Variants in SECISBP2L observed in about 807,000 individuals in gnomAD.
SECISBP2L encodes the protein selenocysteine insertion sequence-binding protein 2-like.
In SECISBP2L, 43 loss-of-function variants were observed where a neutral mutation model predicts 114.7. The ratio of observed to expected loss-of-function variants is 0.38; its 90% CI spans 0.29 to 0.48. The LOEUF (loss-of-function observed/expected upper bound fraction) is 0.48, where lower values mean the gene tolerates loss of function less well. SECISBP2L is among the 20% of genes least tolerant of loss of function. SECISBP2L has a pLI of 0.98. For synonymous variants in SECISBP2L, 451 were observed against 439.7 expected (o/e 1.03, Z -0.32); for missense variants, 1,136 against 1,301.1 (o/e 0.87, Z 1.95).
intron 7 of SECISBP2L, among the ~76,000 whole-genome samples, chr15:49,026,244 A>G (rs1166221652): frequency 6.6e-6 from 1 of 152,142 alleles, no homozygotes; most frequent in East Asian, 1.9e-4. Flanking sequence ...AGGGATAGGG[A>G]AAGGTTGGTC....
chr15:49,044,413 G>C (rs1222367548), intron 1 of SECISBP2L, among the ~76,000 whole-genome samples: 1 of 152,070 alleles, frequency 6.6e-6, no homozygotes, highest in Non-Finnish European at 1.5e-5. Flanking sequence ...GAAAATAATG[G>C]ATTCTTGCCC....
In SECISBP2L at chr15:49,027,414, T is replaced by C; in HGVS notation, c.986A>G (p.Gln329Arg). The change falls in exon 7 of 18, where the codon CAG becomes CGG. Residue 329 changes from glutamine to arginine, a missense_variant. Physicochemically the swap from Gln to Arg is conservative, Grantham distance 43. This residue lies in a region of SECISBP2L where 452 missense variants were observed against 452.3 expected (regional missense o/e 1.00). Transcript: ENST00000559471. The part of the protein sequence containing the change: ...TQKKPWMEKN[Q>R]TFSRGGRQTE... ...TTGCCTTCCACCTCTAGAAAATGTC[T>C]GATTTTTTTCCATCCAAGGTTTTTT... The C allele has an allele frequency of 6.2e-7, 1 of 1,611,250 alleles. No homozygotes were observed. Among genetic ancestry groups the C allele is most frequent in the Non-Finnish European group, 8.5e-7 (1 of 1,178,136 alleles).
chr15:49,030,816 T>C (rs1239564485), intron 4 of SECISBP2L, among the ~76,000 whole-genome samples: 2 of 152,158 alleles, frequency 1.3e-5, no homozygotes, highest in Non-Finnish European at 2.9e-5. Flanking sequence ...CTCTGTTCTG[T>C]TCAACTTTTG....
chr15:49,002,478 G>A (rs1015817221), intron 14 of SECISBP2L, among the ~76,000 whole-genome samples: 1 of 152,022 alleles, frequency 6.6e-6, no homozygotes, highest in Admixed American at 6.6e-5. Context: ...GTCAATTTTG[G>A]CTTTTGTTGC....
At chr15:49,011,632 A>G in intron 13 of SECISBP2L, 99 bp downstream of exon 13, 1 of 1,337,402 alleles carries the variant, frequency 7.5e-7, no homozygotes, top group Non-Finnish European at 1.0e-6. Flanking sequence ...AATATGGAGC[A>G]CGTCTTCCAA....
At chr15:49,016,139 G>T (rs1377145239) in intron 11 of SECISBP2L, among the ~76,000 whole-genome samples, 1 of 152,206 alleles carries the variant, frequency 6.6e-6, no homozygotes, top group Non-Finnish European at 1.5e-5. Context: ...AGGATTCTGA[G>T]CAGTGAAGTG....
chr15:49,033,832 T>G (rs1194294216), intron 3 of SECISBP2L, among the ~76,000 whole-genome samples: 1 of 150,540 alleles, frequency 6.6e-6, no homozygotes, highest in Non-Finnish European at 1.5e-5. Context: ...ACCCTGTCAA[T>G]CAATCAATCA....
chr15:49,023,067 A>G (rs985202203), intron 7 of SECISBP2L, among the ~76,000 whole-genome samples: 11 of 152,134 alleles, frequency 7.2e-5, no homozygotes, highest in Non-Finnish European at 1.6e-4. Flanking sequence ...ATAAATATAA[A>G]CTTCTTAATG....
In SECISBP2L at chr15:49,018,494, G is replaced by A. The variant is rs1252659460; in HGVS notation, c.1171-866C>T. Among the ~76,000 whole-genome samples the A allele has an allele frequency of 3.3e-5, 5 of 152,146 alleles. No individual in the cohort carries two copies. The Middle Eastern group carries it at 0.01, about 311-fold the overall frequency. ...GCTGGTCTCGAACTCCTGACCTCAA[G>A]TGATCCTGACCTCAGGTGATCTGCT... On this transcript the variant is annotated intron_variant, in intron 8 of 17. Transcript: ENST00000559471.
intron 1 of SECISBP2L, among the ~76,000 whole-genome samples, chr15:49,043,872 A>G (rs1432547325): frequency 6.6e-6 from 1 of 152,006 alleles, no homozygotes; most frequent in Non-Finnish European, 1.5e-5. Context: ...CAGCACACAT[A>G]CAATTTACCT....
chr15:49,040,410 A>T (rs572796691), intron 1 of SECISBP2L, among the ~76,000 whole-genome samples: 1 of 151,108 alleles, frequency 6.6e-6, no homozygotes, highest in Admixed American at 6.6e-5. Context: ...TATAGCTACA[A>T]CTCTGTATGG....
intron 1 of SECISBP2L, among the ~76,000 whole-genome samples, chr15:49,042,087 G>T (rs1236712957): frequency 6.6e-6 from 1 of 152,100 alleles, no homozygotes; most frequent in African/African-American, 2.4e-5. Context: ...TTTTAAATCT[G>T]ATGGTTACTT....
chr15:49,006,887 C>A (rs1221361790), intron 14 of SECISBP2L, among the ~76,000 whole-genome samples: 1 of 152,116 alleles, frequency 6.6e-6, no homozygotes, highest in African/African-American at 2.4e-5. Context: ...CTGGTTTTTG[C>A]AATTTTCAGC....
chr15:49,004,658 C>T (rs896323804), intron 14 of SECISBP2L, among the ~76,000 whole-genome samples: 20 of 152,152 alleles, frequency 1.3e-4, no homozygotes, highest in African/African-American at 4.6e-4. Context: ...TTTCAAAGAA[C>T]TTATTTATCT....
intron 17 of SECISBP2L, among the ~76,000 whole-genome samples, chr15:48,993,786 G>A (rs1163310010): frequency 3.3e-5 from 5 of 151,770 alleles, no homozygotes; most frequent in Non-Finnish European, 7.4e-5. Context: ...TCTCATGATA[G>A]GAAATCAGTT....
Position 48,996,591 on chromosome 15 carries a change from A to G in SECISBP2L, c.2404-5T>C. 4 of 1,609,166 alleles carry G rather than the reference A, an allele frequency of 2.5e-6. No individual in the cohort carries two copies. The highest frequency in any genetic ancestry group is 3.3e-4 in the Middle Eastern group (2 of 6,038). The stretch of plus-strand genomic sequence containing the variant: ...TACTAATTTATTAAACAGGCTCTGA[A>G]AAGAAAGAGTATTTTGATTAATCCA... On this transcript the variant is annotated splice_polypyrimidine_tract_variant and splice_region_variant and intron_variant, in intron 16 of 17. Coordinates refer to ENST00000559471, the MANE Select transcript of SECISBP2L (RefSeq NM_001193489.2).
At chr15:49,036,370 T>C (rs371738430) in intron 2 of SECISBP2L, among the ~76,000 whole-genome samples, 12 of 152,114 alleles carry the variant, frequency 7.9e-5, no homozygotes, top group African/African-American at 2.9e-4. Flanking sequence ...GACTAGGGAG[T>C]TGAAGCATAG....
chr15:48,997,643 C>T (rs1390559887), intron 16 of SECISBP2L, among the ~76,000 whole-genome samples: 2 of 152,120 alleles, frequency 1.3e-5, no homozygotes, highest in Non-Finnish European at 2.9e-5. Flanking sequence ...CTTTGGGAGG[C>T]CAAGGCAAGA....
In SECISBP2L at chr15:49,027,428, C is replaced by T. The variant is rs1420582931; in HGVS notation, c.972G>A (p.Trp324Ter). The T allele has an allele frequency of 6.2e-7, 1 of 1,610,072 alleles. No individual in the cohort carries two copies. Among genetic ancestry groups the T allele is most frequent in the South Asian group, 1.1e-5 (1 of 90,488 alleles). ...VTCQATQKKPWMEKNQTFSRG... is the reference protein window; with the variant it reads ...VTCQATQKKP ...TAGAAAATGTCTGATTTTTTTCCAT[C>T]CAAGGTTTTTTCTGAGTTGCCTGGC... is the stretch of plus-strand genomic sequence containing the variant. The change falls in exon 7 of 18, where the codon TGG (tryptophan) becomes TGA (stop). Residue 324 changes from tryptophan to a stop codon, truncating the protein, a stop_gained. Transcript: ENST00000559471. LOFTEE classifies it high-confidence loss of function.
Sources: gnomAD v4.1 joint callset for allele counts (sites outside exome capture counted in the v4.1 genomes callset) on GRCh38, gnomAD v4.1.1 for gene constraint, gnomAD v4.1.1 regional missense constraint, MANE v1.5 for transcripts, NCBI Gene and HGNC (gene_info 2026-07-23, HGNC 2026-07-21) for gene names.